Variants in CFH observed in about 807,000 individuals in gnomAD.
CFH encodes complement factor H, also known as H factor 1 (complement).
In CFH, 53 loss-of-function variants were observed where a neutral mutation model predicts 147.3. The observed-to-expected ratio is 0.36, with a 90% CI of 0.29 to 0.45. CFH has a LOEUF of 0.45. Ranked by LOEUF, CFH falls within the 20% of genes least tolerant of loss-of-function variation. CFH has a pLI of 1.00. For synonymous variants in CFH, 536 were observed against 489.4 expected (o/e 1.10, Z -1.26); for missense variants, 1,380 against 1,498.0 (o/e 0.92, Z 1.30).
intron 6 of CFH, 70 bp from the exon 7 acceptor site, chr1:196,684,994 T>C: frequency 8.3e-7 from 1 of 1,209,118 alleles, no homozygotes; most frequent in Non-Finnish European, 1.2e-6. Context: ...CACTTTTAAA[T>C]GTTTATATAA....
chr1:196,723,368 GCT>G (rs1449591313), intron 11 of CFH, among the ~76,000 whole-genome samples: 1 of 152,126 alleles, frequency 6.6e-6, no homozygotes, highest in Non-Finnish European at 1.5e-5. Context: ...TTGTATGATG[GCT>G]TTCTTAATTG....
intron 9 of CFH, among the ~76,000 whole-genome samples, chr1:196,691,545 T>C (rs1573029518): frequency 6.6e-6 from 1 of 152,094 alleles, no homozygotes; most frequent in East Asian, 1.9e-4. Context: ...ATATTCACAG[T>C]TTAATTGGTA....
intron 9 of CFH, among the ~76,000 whole-genome samples, chr1:196,696,907 G>T (rs1668291574): frequency 6.6e-6 from 1 of 152,056 alleles, no homozygotes; most frequent in Non-Finnish European, 1.5e-5. Flanking sequence ...AATGGGAAAA[G>T]GATTCCTTAT....
rs186123645 is a variant in CFH, at chr1:196,665,014, C to T, written c.59-7964C>T. Reference sequence around the variant, plus strand: ...CTAATTTTCCAGCAAAATTGATTATCATCTCCTTTACATTTTTGTGTTAAA... The same window carrying T: ...CTAATTTTCCAGCAAAATTGATTATTATCTCCTTTACATTTTTGTGTTAAA... On this transcript the variant is annotated intron_variant, in intron 1 of 21. Transcript: ENST00000367429. 1.1e-3 allele frequency among the ~76,000 whole-genome samples: 164 copies of T among 151,456 alleles called. 1 individual carries two copies. The highest frequency in any genetic ancestry group is 3.9e-3 in the African/African-American group (161 of 41,390).
In CFH at chr1:196,745,941, G is replaced by T; in HGVS notation, c.3435G>T (p.Glu1145Asp). 1 of 1,614,116 alleles carries T rather than the reference G, an allele frequency of 6.2e-7. No homozygotes were observed. Among genetic ancestry groups the T allele is most frequent in the Non-Finnish European group, 8.5e-7 (1 of 1,180,022 alleles). Reference protein sequence around the residue: ...EYQCQNLYQLEGNKRITCRNG... With the variant: ...EYQCQNLYQLDGNKRITCRNG... Reference sequence around the variant, plus strand: ...AATGCCAGAACTTGTATCAACTTGAGGGTAACAAGCGAATAACATGTAGAA... The same window carrying T: ...AATGCCAGAACTTGTATCAACTTGATGGTAACAAGCGAATAACATGTAGAA... The change falls in exon 21 of 22, where the codon GAG (glutamate) becomes GAT (aspartate). Residue 1145 changes from glutamate to aspartate, a missense_variant. By Grantham distance (45) the Glu-to-Asp change is conservative. Coordinates refer to ENST00000367429, the MANE Select transcript of CFH (RefSeq NM_000186.4).
intron 1 of CFH, among the ~76,000 whole-genome samples, chr1:196,652,732 C>T (rs1263345279): frequency 6.6e-6 from 1 of 151,682 alleles, no homozygotes; most frequent in South Asian, 2.1e-4. Context: ...ATTGAATATA[C>T]AATATTTGTA....
chr1:196,677,245 A>G (rs1398994567), intron 4 of CFH: 5 of 452,376 alleles, frequency 1.1e-5, no homozygotes, highest in Admixed American at 3.7e-5. Flanking sequence ...GCTAGCATTG[A>G]AAGTAGTAAT....
At chr1:196,695,629 T>C (rs887619735) in intron 9 of CFH, among the ~76,000 whole-genome samples, 12 of 152,182 alleles carry the variant, frequency 7.9e-5, no homozygotes, top group African/African-American at 2.7e-4. Context: ...TGATTCTTCC[T>C]ATCCATGAGG....
intron 11 of CFH, among the ~76,000 whole-genome samples, chr1:196,722,809 A>C (rs1234241127): frequency 6.6e-6 from 1 of 152,094 alleles, no homozygotes; most frequent in Non-Finnish European, 1.5e-5. Flanking sequence ...TGACAGGGTT[A>C]ATTGGAAAGA....
chr1:196,652,430 A>G (rs529546645), intron 1 of CFH, among the ~76,000 whole-genome samples: 1 of 151,910 alleles, frequency 6.6e-6, no homozygotes, highest in Admixed American at 6.6e-5. Context: ...CTGAAAAACT[A>G]TGATCTGGAA....
chr1:196,692,918 C>CCTTCCTTCCTTG (rs1668116804), intron 9 of CFH, among the ~76,000 whole-genome samples: 1 of 137,274 alleles, frequency 7.3e-6, no homozygotes, highest in Non-Finnish European at 1.6e-5. Flanking sequence ...TTCCTTCCTT[C>CCTTCCTTCCTTG]CTTCCTTCCT....
At chr1:196,692,104 A>C (rs544052492) in intron 9 of CFH, among the ~76,000 whole-genome samples, 19 of 152,074 alleles carry the variant, frequency 1.2e-4, no homozygotes, top group African/African-American at 3.4e-4. Context: ...TTTAACCAGC[A>C]TTGCAGTAAC....
At chr1:196,700,952 G>A (rs1353897313) in intron 9 of CFH, 8 of 756,668 alleles carry the variant, frequency 1.1e-5, no homozygotes, top group Non-Finnish European at 1.3e-5. Context: ...GTGTGTGCCT[G>A]TTTTCGTCTT....
intron 1 of CFH, among the ~76,000 whole-genome samples, chr1:196,671,672 T>C (rs1667285061): frequency 6.7e-6 from 1 of 148,686 alleles, no homozygotes; most frequent in Non-Finnish European, 1.5e-5. Flanking sequence ...TAAATATGTG[T>C]ATATATATAT....
rs1343043251 is a variant in CFH at position 196,726,805 on chromosome 1, T to C, written c.2101T>C (p.Trp701Arg). The change falls in exon 14 of 22, where the codon TGG becomes CGG. Residue 701 changes from tryptophan (W) to arginine (R), a missense_variant. Transcript: ENST00000367429. ...CGDIPELEHGWAQLSSPPYYY... is the reference protein window; with the variant it reads ...CGDIPELEHGRAQLSSPPYYY... ...AGATATACCTGAACTTGAACATGGCTGGGCCCAGCTTTCTTCCCCTCCTTA... is the reference window on the plus strand; with the variant it reads ...AGATATACCTGAACTTGAACATGGCCGGGCCCAGCTTTCTTCCCCTCCTTA... 1 of 1,613,924 alleles carries C rather than the reference T, an allele frequency of 6.2e-7. No individual in the cohort carries two copies. The highest frequency in any genetic ancestry group is 2.2e-5 in the East Asian group (1 of 44,856).
chr1:196,670,540 C>T (rs768106751), intron 1 of CFH, among the ~76,000 whole-genome samples: 5 of 152,086 alleles, frequency 3.3e-5, no homozygotes, highest in African/African-American at 9.7e-5. Context: ...CTGGCATTTC[C>T]CCTGTTTGCA....
At chr1:196,692,820 TTC>T (rs1345264619) in intron 9 of CFH, among the ~76,000 whole-genome samples, 3 of 66,222 alleles carry the variant, frequency 4.5e-5, no homozygotes, top group African/African-American at 9.2e-5. Flanking sequence ...CTTTCTTTCT[TTC>T]TCTTTCCTTC....
intron 7 of CFH, among the ~76,000 whole-genome samples, chr1:196,689,025 A>C (rs913591841): frequency 8.0e-5 from 7 of 87,406 alleles, no homozygotes; most frequent in Admixed American, 1.5e-4. Context: ...GAGAATAGAA[A>C]AAAAAGAAAG....
At chr1:196,670,256 A>T (rs1667232086) in intron 1 of CFH, among the ~76,000 whole-genome samples, 1 of 152,172 alleles carries the variant, frequency 6.6e-6, no homozygotes, top group Non-Finnish European at 1.5e-5. Context: ...TTTAGGGTTA[A>T]TGCTGTAGTG....
Sources: allele counts gnomAD v4.1 joint callset (sites outside exome capture counted in the v4.1 genomes callset), GRCh38; gene constraint gnomAD v4.1.1; transcripts MANE v1.5; gene names NCBI Gene and HGNC (gene_info 2026-07-23, HGNC 2026-07-21).